Variants in HECW2 observed in about 807,000 individuals in gnomAD.
HECW2 encodes E3 ubiquitin-protein ligase HECW2.
A neutral mutation model predicts 175.2 loss-of-function variants in HECW2; 61 were observed. The observed-to-expected ratio is 0.35, with a 90% CI of 0.28 to 0.43. HECW2 has a LOEUF of 0.43. Among genes scored for constraint, HECW2 ranks in the 20% least tolerant of loss-of-function variants. The pLI is 1.00. For missense variants in HECW2, 1,524 were observed against 2,000.5 expected (o/e 0.76, Z 4.54); for synonymous variants, 671 against 731.0 (o/e 0.92, Z 1.32).
chr2:196,458,096 C>A (rs147279225), intron 1 of HECW2, among the ~76,000 whole-genome samples: 1,638 of 152,000 alleles, frequency 0.011, 34 homozygotes, highest in African/African-American at 0.037. Context: ...ATAGTGAGAC[C>A]CCATCTCTAC....
Position 196,450,416 on chromosome 2 carries a change from T to C in HECW2, c.-35-16958A>G, listed in dbSNP as rs534608080. Among the ~76,000 whole-genome samples the C allele has an allele frequency of 1.8e-4, 28 of 151,986 alleles. No individual in the cohort carries two copies. In the East Asian group the frequency reaches 4.2e-3, roughly 23 times the overall value. On this transcript the variant is annotated intron_variant, in intron 1 of 28. Coordinates refer to ENST00000644978, the MANE Select transcript of HECW2 (RefSeq NM_001348768.2). ...ACCAGGAATATAACAGCAGACAGCA[T>C]GTTCAACCACCATTGTCTAGTCTCC...
intron 19 of HECW2, 152 bp downstream of exon 19, chr2:196,253,768 C>T (rs1688946535): frequency 5.0e-6 from 3 of 603,118 alleles, no homozygotes; most frequent in Non-Finnish European, 8.5e-6. Context: ...ATAAGCCACT[C>T]TTACGAGACA....
chr2:196,449,189 C>T (rs978372418), intron 1 of HECW2, among the ~76,000 whole-genome samples: 6 of 147,896 alleles, frequency 4.1e-5, no homozygotes, highest in South Asian at 2.1e-4. Flanking sequence ...AGCTTCCTCC[C>T]ACCCCAGTAC....
chr2:196,414,159 T>C (rs1467756382), intron 2 of HECW2, among the ~76,000 whole-genome samples: 3 of 152,218 alleles, frequency 2.0e-5, no homozygotes, highest in African/African-American at 7.2e-5. Flanking sequence ...CACGTGAATA[T>C]TTCTTCAAAA....
At chr2:196,323,838 G>C (rs1692037839) in intron 6 of HECW2, among the ~76,000 whole-genome samples, 1 of 150,296 alleles carries the variant, frequency 6.7e-6, no homozygotes, top group East Asian at 2.0e-4. Context: ...ATCATATTGA[G>C]ATATATTTTT....
chr2:196,349,689 A>G (rs191803569), intron 2 of HECW2, among the ~76,000 whole-genome samples: 27 of 152,324 alleles, frequency 1.8e-4, no homozygotes, highest in African/African-American at 5.5e-4. Flanking sequence ...CCTGTTACTA[A>G]TACTGGAATT....
At chr2:196,571,955 G>A (rs1255764288) in intron 1 of HECW2, among the ~76,000 whole-genome samples, 1 of 152,092 alleles carries the variant, frequency 6.6e-6, no homozygotes, top group Non-Finnish European at 1.5e-5. Context: ...GTCTTACAAG[G>A]GAAGGAAATT....
At chr2:196,434,993 C>T (rs1437261302) in intron 1 of HECW2, among the ~76,000 whole-genome samples, 1 of 152,200 alleles carries the variant, frequency 6.6e-6, no homozygotes, top group East Asian at 1.9e-4. Context: ...TTCACAGACA[C>T]TTTGGATGAA....
At chr2:196,255,147 ATTTTT>A (rs768416431) in intron 18 of HECW2, among the ~76,000 whole-genome samples, 1 of 95,422 alleles carries the variant, frequency 1.0e-5, no homozygotes, top group East Asian at 3.3e-4. Flanking sequence ...TAATTTTTCT[ATTTTT>A]TTTTTTTTTT....
intron 1 of HECW2, among the ~76,000 whole-genome samples, chr2:196,437,585 C>T (rs1223189217): frequency 2.9e-5 from 3 of 102,348 alleles, no homozygotes; most frequent in Admixed American, 1.6e-4. Context: ...GCACTCCAGC[C>T]TGGGCAACAG....
chr2:196,343,615 A>G, intron 3 of HECW2, 42 bp downstream of exon 3: 1 of 1,237,784 alleles, frequency 8.1e-7, no homozygotes, highest in Non-Finnish European at 1.2e-6. Flanking sequence ...ATACTTATGC[A>G]ATGTTCAATA....
intron 2 of HECW2, among the ~76,000 whole-genome samples, chr2:196,347,720 A>G (rs548479583): frequency 1.3e-5 from 2 of 152,298 alleles, no homozygotes; most frequent in East Asian, 3.9e-4. Flanking sequence ...ATGGCCAGTG[A>G]CCATCCTTTG....
intron 1 of HECW2, among the ~76,000 whole-genome samples, chr2:196,528,219 T>C (rs7580622): frequency 0.035 from 5,382 of 152,268 alleles, 314 homozygotes; most frequent in African/African-American, 0.12. Context: ...TAAAAATATC[T>C]CTTTAAATGA....
At chr2:196,554,135 G>A (rs886955239) in intron 1 of HECW2, among the ~76,000 whole-genome samples, 3 of 152,012 alleles carry the variant, frequency 2.0e-5, no homozygotes, top group Non-Finnish European at 4.4e-5. Context: ...TCAGGAGATC[G>A]AGACCACGGT....
chr2:196,564,111 G>A (rs73989995), intron 1 of HECW2, among the ~76,000 whole-genome samples: 3,108 of 152,224 alleles, frequency 0.02, 99 homozygotes, highest in African/African-American at 0.069. Context: ...GGAAGTAGTA[G>A]TGATATCACC....
chr2:196,563,787 G>A (rs1690087687), intron 1 of HECW2, among the ~76,000 whole-genome samples: 1 of 152,182 alleles, frequency 6.6e-6, no homozygotes. Context: ...GGGAGTGGAA[G>A]GATGTGAGGG....
chr2:196,254,121 C>T, intron 18 of HECW2, 92 bp from the exon 19 acceptor site: 1 of 1,524,314 alleles, frequency 6.6e-7, no homozygotes, highest in East Asian at 2.4e-5. Context: ...CATCCAAGAT[C>T]CGGTTTATAT....
intron 17 of HECW2, among the ~76,000 whole-genome samples, chr2:196,267,956 G>A (rs1018288983): frequency 3.3e-5 from 5 of 152,172 alleles, no homozygotes; most frequent in African/African-American, 1.2e-4. Context: ...ATGAATATAA[G>A]GTCCACAGTG....
intron 7 of HECW2, among the ~76,000 whole-genome samples, chr2:196,321,743 A>T (rs1377116943): frequency 6.6e-6 from 1 of 152,090 alleles, no homozygotes. Context: ...GATAGTGCCA[A>T]ATCACTCCAC....
Sources: allele counts gnomAD v4.1 joint callset (sites outside exome capture counted in the v4.1 genomes callset), GRCh38; gene constraint gnomAD v4.1.1; transcripts MANE v1.5; gene names NCBI Gene and HGNC (gene_info 2026-07-23, HGNC 2026-07-21).